The following LOXHD1 variants were observed in gnomAD, a reference collection of about 807,000 sequenced individuals.
The protein encoded by LOXHD1 is lipoxygenase homology PLAT domains 1, also known as lipoxygenase homology domain-containing protein 1.
Under a neutral mutation model 248.2 loss-of-function variants are expected in LOXHD1, and 205 were observed. That is an observed-to-expected ratio of 0.83 (90% CI 0.74 to 0.93). The LOEUF (loss-of-function observed/expected upper bound fraction) is 0.93. Among genes scored for constraint, LOXHD1 ranks in the 40% least tolerant of loss-of-function variants. LOXHD1 has a pLI of 0.00. For synonymous variants in LOXHD1, 1,113 were observed against 1,162.8 expected, an observed-to-expected ratio of 0.96 and a Z score of 0.87; for missense variants, 2,930 against 2,971.6, an observed-to-expected ratio of 0.99 and a Z score of 0.33.
rs536433536 is a variant in LOXHD1, at chr18:46,551,303, C to T, written c.3351-4245G>A. Among the ~76,000 whole-genome samples, 6 of 152,158 alleles carry T rather than the reference C, an allele frequency of 3.9e-5. No individual in the cohort carries two copies. In the East Asian group the frequency reaches 7.8e-4, roughly 20 times the overall value. On this transcript the variant is annotated intron_variant, in intron 21 of 40. Coordinates refer to ENST00000642948, the MANE Select transcript of LOXHD1 (RefSeq NM_001384474.1). ...ATTTTTTAGTAGATACGGGGTTTCA[C>T]CGTGTTAGCCAGGATGGTCTCGATC...
intron 1 of LOXHD1, among the ~76,000 whole-genome samples, chr18:46,654,503 G>C (rs1044810308): frequency 1.3e-5 from 2 of 152,222 alleles, no homozygotes; most frequent in African/African-American, 4.8e-5. Context: ...TCTTAGGAGA[G>C]AGAGCAATGT....
chr18:46,533,107 G>A, intron 28 of LOXHD1, 55 bp downstream of exon 28: 2 of 1,536,244 alleles, frequency 1.3e-6, no homozygotes, highest in Admixed American at 2.0e-5. Context: ...GTGCTCAGGA[G>A]GACCAGGGTC....
chr18:46,559,480 A>G lies in LOXHD1; in HGVS notation c.3184T>C (p.Ser1062Pro), dbSNP rs1270090237. 2 of 1,551,952 alleles carry G rather than the reference A, an allele frequency of 1.3e-6. No homozygotes were observed. The highest frequency in any genetic ancestry group is 1.7e-6 in the Non-Finnish European group (2 of 1,147,054). The stretch of plus-strand genomic sequence containing the variant: ...TGCTCAAATTTGTTGGACTTGTCTG[A>G]CTTCTTCAGGGGTCGTTCGCCCGTG... ...GDTGERPLKK[S>P]DKSNKFEQGQ... Residue 1062 changes from serine to proline, a missense_variant, in exon 20 of 41, where the codon TCA (serine) becomes CCA (proline). By Grantham distance (74) the Ser-to-Pro change is moderately conservative. Coordinates refer to ENST00000642948, the MANE Select transcript of LOXHD1 (RefSeq NM_001384474.1).
At position 46,531,241 on chromosome 18, in the gene LOXHD1, GC is replaced by G. The variant is rs541897671; in HGVS notation, c.4376-1911del. Among the ~76,000 whole-genome samples the G allele has an allele frequency of 6.6e-3, 1,010 of 151,948 alleles. 11 individuals are homozygous for G. Among genetic ancestry groups the G allele is most frequent in the African/African-American group, 0.023 (965 of 41,434 alleles). ...GCCACACTTGCTCCCACCCCACTCTGCCCCACTCAGCTCAGTGCAAAAACCT... is the reference window on the plus strand; with the variant it reads ...GCCACACTTGCTCCCACCCCACTCTGCCCACTCAGCTCAGTGCAAAAACCT... On this transcript the variant is annotated intron_variant, in intron 28 of 40. Coordinates refer to ENST00000642948, the MANE Select transcript of LOXHD1 (RefSeq NM_001384474.1).
At chr18:46,643,900 G>A (rs375512843) in intron 2 of LOXHD1, among the ~76,000 whole-genome samples, 1 of 152,070 alleles carries the variant, frequency 6.6e-6, no homozygotes, top group East Asian at 1.9e-4. Flanking sequence ...TAAAAGAAAA[G>A]GTAGGTTAAG....
At chr18:46,610,668 T>C in intron 6 of LOXHD1, 108 bp downstream of exon 6, 2 of 1,285,710 alleles carry the variant, frequency 1.6e-6, no homozygotes, top group South Asian at 1.8e-5. Flanking sequence ...GAAGAGTGGA[T>C]GCAGATGGAC....
At chr18:46,523,564 T>C (rs959078261) in intron 31 of LOXHD1, among the ~76,000 whole-genome samples, 38 of 152,342 alleles carry the variant, frequency 2.5e-4, no homozygotes, top group African/African-American at 9.1e-4. Context: ...TACTAATTGA[T>C]ACAAGTTGGA....
chr18:46,651,286 A>C (rs1292542156), intron 1 of LOXHD1, among the ~76,000 whole-genome samples: 3 of 152,174 alleles, frequency 2.0e-5, no homozygotes, highest in Non-Finnish European at 4.4e-5. Flanking sequence ...GGAGAAAAGC[A>C]GCCATATATT....
chr18:46,558,753 G>A (rs962518412), intron 20 of LOXHD1, among the ~76,000 whole-genome samples: 2 of 152,132 alleles, frequency 1.3e-5, no homozygotes, highest in African/African-American at 4.8e-5. Flanking sequence ...CAAAGATGAC[G>A]GCTTTATTTT....
intron 21 of LOXHD1, among the ~76,000 whole-genome samples, chr18:46,555,774 T>C (rs2037302575): frequency 6.6e-6 from 1 of 152,050 alleles, no homozygotes; most frequent in African/African-American, 2.4e-5. Flanking sequence ...ACACGTTCAA[T>C]TCAACATAGA....
At chr18:46,594,279 C>T in intron 9 of LOXHD1, 52 bp downstream of exon 9, 2 of 1,548,790 alleles carry the variant, frequency 1.3e-6, no homozygotes, top group South Asian at 2.4e-5. Context: ...ACATTCTGGC[C>T]TCTGCTGACC....
chr18:46,506,944 C>T (rs1370522972), intron 36 of LOXHD1, among the ~76,000 whole-genome samples: 1 of 152,194 alleles, frequency 6.6e-6, no homozygotes, highest in East Asian at 1.9e-4. Context: ...TGTGTTCCCT[C>T]TCAGCTCCTG....
rs2034545916 is a variant in LOXHD1, at chr18:46,506,001, C to T, written c.5715G>A (p.Val1905=). The change falls in exon 37 of 41, where the codon GTG becomes GTA. Residue 1905 remains valine, a synonymous_variant. Transcript: ENST00000642948. The part of the protein sequence containing the change: ...DILGAGTDAN[V]FIIIFGENGD... ...CGTTCTCCCCGAAGATGATGATGAA[C>T]ACGTTGGCATCAGTGCCTGCTCCTG... The T allele has an allele frequency of 6.4e-7, 1 of 1,552,254 alleles. No individual in the cohort carries two copies. Among genetic ancestry groups the T allele is most frequent in the Non-Finnish European group, 8.7e-7 (1 of 1,147,108 alleles).
rs1331072528 is a variant in LOXHD1 at position 46,604,286 on chromosome 18, G to A, written c.760-57C>T. 5.2e-6 allele frequency: 8 copies of A among 1,544,588 alleles called. No individual in the cohort carries two copies. The Admixed American group carries it at 1.6e-4, about 30-fold the overall frequency. ...ATAAGTGTTGTTGAGGGTGCACCTG[G>A]AGATCTAATCCAATCTTCCAATCAC... On this transcript the variant is annotated intron_variant, in intron 6 of 40. Coordinates refer to ENST00000642948, the MANE Select transcript of LOXHD1 (RefSeq NM_001384474.1).
chr18:46,643,449 A>C (rs1266193706), intron 2 of LOXHD1, among the ~76,000 whole-genome samples: 2 of 152,238 alleles, frequency 1.3e-5, no homozygotes, highest in Non-Finnish European at 2.9e-5. Flanking sequence ...AGTTTTCTCC[A>C]CGAAGCACCA....
chr18:46,542,765 C>T lies in LOXHD1; in HGVS notation c.3710G>A (p.Gly1237Glu), dbSNP rs914927549. The change falls in exon 24 of 41, where the codon GGA becomes GAA. Residue 1237 changes from glycine (G) to glutamate (E), a missense_variant. Transcript: ENST00000642948. ...EIFTVETLDLGDLWKVRLGHD... is the reference protein window; with the variant it reads ...EIFTVETLDLEDLWKVRLGHD... ...GCCAAGCCGGACTTTCCACAGGTCT[C>T]CCAGATCCAGCGTCTCCACCGTGAA... 3 of 1,551,512 alleles carry T rather than the reference C, an allele frequency of 1.9e-6. No individual in the cohort carries two copies. The African/African-American group carries it at 4.1e-5, about 21-fold the overall frequency.
chr18:46,485,307 T>C (rs751264460), intron 38 of LOXHD1, among the ~76,000 whole-genome samples, 156 bp from the exon 39 acceptor site: 6 of 151,816 alleles, frequency 4.0e-5, no homozygotes, highest in Non-Finnish European at 7.4e-5. Flanking sequence ...ATTGAGGCGT[T>C]GTAGGTAGAA....
intron 12 of LOXHD1, among the ~76,000 whole-genome samples, chr18:46,581,561 G>C (rs1344200173): frequency 2.0e-5 from 3 of 152,150 alleles, no homozygotes; most frequent in African/African-American, 7.2e-5. Flanking sequence ...GGTATATGGA[G>C]TCCATTTAAA....
At chr18:46,619,762 C>T (rs375788215) in intron 4 of LOXHD1, among the ~76,000 whole-genome samples, 70 of 152,320 alleles carry the variant, frequency 4.6e-4, no homozygotes, top group African/African-American at 1.6e-3. Context: ...TGAAAGTTGG[C>T]CTTGAACTGG....
Sources: gnomAD v4.1 joint callset for allele counts (sites outside exome capture counted in the v4.1 genomes callset) on GRCh38, gnomAD v4.1.1 for gene constraint, MANE v1.5 for transcripts, NCBI Gene and HGNC (gene_info 2026-07-23, HGNC 2026-07-21) for gene names.